Variants in CSMD1 observed in about 807,000 individuals in gnomAD.
CSMD1 encodes CUB and sushi domain-containing protein 1.
In CSMD1, 213 loss-of-function variants were observed where a neutral mutation model predicts 417.5. That is an observed-to-expected ratio of 0.51 (90% CI 0.46 to 0.57). The LOEUF (loss-of-function observed/expected upper bound fraction) is 0.57. Among genes scored for constraint, CSMD1 ranks in the 20% least tolerant of loss-of-function variants. CSMD1 has a pLI of 0.00. For missense variants in CSMD1, 6,923 were observed against 4,529.7 expected (o/e 1.53, Z -15.17); for synonymous variants, 2,862 against 1,736.8 (o/e 1.65, Z -16.11).
chr8:4,356,040 C>G (rs992944716), intron 3 of CSMD1, among the ~76,000 whole-genome samples: 1 of 152,112 alleles, frequency 6.6e-6, no homozygotes, highest in African/African-American at 2.4e-5. Context: ...TTGGGAGATC[C>G]TGGTGCACTC....
intron 12 of CSMD1, among the ~76,000 whole-genome samples, chr8:3,441,965 C>T (rs1310938528): frequency 3.3e-5 from 5 of 151,844 alleles, no homozygotes; most frequent in African/African-American, 1.2e-4. Context: ...GAAGACTTTC[C>T]AGTGGGACAA....
At chr8:3,274,157 C>G (rs1257151999) in intron 26 of CSMD1, among the ~76,000 whole-genome samples, 4 of 151,832 alleles carry the variant, frequency 2.6e-5, no homozygotes, top group Middle Eastern at 3.4e-3. Context: ...CAAAGAACAT[C>G]TTTATTTCTG....
chr8:4,472,701 G>C (rs888421145), intron 2 of CSMD1, among the ~76,000 whole-genome samples: 2 of 151,892 alleles, frequency 1.3e-5, no homozygotes, highest in South Asian at 2.1e-4. Context: ...ATTGAAATGA[G>C]CATATTAGGT....
chr8:3,755,912 T>A lies in CSMD1; in HGVS notation c.819-1870A>T, dbSNP rs532795698. On this transcript the variant is annotated intron_variant, in intron 5 of 69. Transcript: ENST00000635120. ...ACAGCTGACTCCAAGGCATATTTAA[T>A]CACCTTTTTTTATTTTTCTGGTGAG... Among the ~76,000 whole-genome samples the A allele has an allele frequency of 6.4e-4, 97 of 152,232 alleles. 1 individual carries two copies. The highest frequency in any genetic ancestry group is 2.2e-3 in the African/African-American group (91 of 41,526).
chr8:3,737,251 G>C (rs1019003518), intron 6 of CSMD1, among the ~76,000 whole-genome samples: 1 of 152,190 alleles, frequency 6.6e-6, no homozygotes. Context: ...AAGCCGATTG[G>C]GAGTAATGGC....
chr8:4,616,611 G>T (rs1328092506), intron 2 of CSMD1, among the ~76,000 whole-genome samples: 2 of 152,280 alleles, frequency 1.3e-5, no homozygotes, highest in South Asian at 2.1e-4. Context: ...TAAGATACAG[G>T]ATCTAGCAAC....
intron 2 of CSMD1, among the ~76,000 whole-genome samples, chr8:4,622,020 C>G (rs935337005): frequency 1.3e-5 from 2 of 151,792 alleles, no homozygotes; most frequent in South Asian, 4.2e-4. Context: ...TGATAGGAAA[C>G]TTTCTCAAGC....
At chr8:4,168,170 C>T (rs1267634195) in intron 3 of CSMD1, among the ~76,000 whole-genome samples, 4 of 150,652 alleles carry the variant, frequency 2.7e-5, no homozygotes, top group Admixed American at 2.0e-4. Flanking sequence ...CACACACACA[C>T]ACACACATAC....
At chr8:4,034,561 G>C (rs945661925) in intron 3 of CSMD1, among the ~76,000 whole-genome samples, 2 of 152,094 alleles carry the variant, frequency 1.3e-5, no homozygotes, top group African/African-American at 4.8e-5. Context: ...CATTTTATCA[G>C]GGCAGCCCTT....
chr8:4,668,424 T>TA (rs1240238150), intron 1 of CSMD1, among the ~76,000 whole-genome samples: 1 of 137,572 alleles, frequency 7.3e-6, no homozygotes, highest in Non-Finnish European at 1.5e-5. Flanking sequence ...CCATTATTAT[T>TA]ATTATTATTA....
At chr8:3,538,216 G>C (rs1208272900) in intron 10 of CSMD1, among the ~76,000 whole-genome samples, 1 of 152,222 alleles carries the variant, frequency 6.6e-6, no homozygotes, top group African/African-American at 2.4e-5. Context: ...AGCACCATCA[G>C]CTGGAACTGA....
intron 6 of CSMD1, among the ~76,000 whole-genome samples, chr8:3,726,916 T>C (rs1802531832): frequency 1.3e-5 from 2 of 152,240 alleles, no homozygotes; most frequent in African/African-American, 2.4e-5. Context: ...TTTAGCATCA[T>C]ACACAGATAA....
At chr8:4,164,931 A>G (rs1413895506) in intron 3 of CSMD1, among the ~76,000 whole-genome samples, 2 of 151,864 alleles carry the variant, frequency 1.3e-5, no homozygotes, top group African/African-American at 4.8e-5. Context: ...AGTAGTCCTG[A>G]AAAAGAGACT....
chr8:3,882,674 A>T (rs572631506), intron 5 of CSMD1, among the ~76,000 whole-genome samples: 2 of 152,344 alleles, frequency 1.3e-5, no homozygotes, highest in South Asian at 4.1e-4. Flanking sequence ...ATGTTCACAA[A>T]ACAAAATACT....
intron 2 of CSMD1, among the ~76,000 whole-genome samples, chr8:4,477,421 T>TG (rs1800862839): frequency 6.6e-6 from 1 of 152,110 alleles, no homozygotes; most frequent in Non-Finnish European, 1.5e-5. Flanking sequence ...TGAGCAAAAT[T>TG]GGGGGGCTCA....
At chr8:3,709,313 G>C (rs1801358650) in intron 6 of CSMD1, among the ~76,000 whole-genome samples, 1 of 152,146 alleles carries the variant, frequency 6.6e-6, no homozygotes, top group Non-Finnish European at 1.5e-5. Flanking sequence ...ACCTACAGCA[G>C]CTGCGAGCAG....
intron 3 of CSMD1, among the ~76,000 whole-genome samples, chr8:4,053,019 A>T (rs556158130): frequency 1.3e-5 from 2 of 152,266 alleles, no homozygotes; most frequent in East Asian, 1.9e-4. Context: ...TACTTTAGCA[A>T]AGGGTAACAA....
intron 5 of CSMD1, among the ~76,000 whole-genome samples, chr8:3,773,692 CTTAA>C (rs1798742532): frequency 6.6e-6 from 1 of 152,178 alleles, no homozygotes; most frequent in African/African-American, 2.4e-5. Context: ...GCAACAGCAT[CTTAA>C]TTGAGTTCCC....
chr8:3,507,238 T>G (rs1205713032), intron 10 of CSMD1, among the ~76,000 whole-genome samples: 1 of 152,192 alleles, frequency 6.6e-6, no homozygotes, highest in Non-Finnish European at 1.5e-5. Flanking sequence ...TACAATATTT[T>G]TTTTGTAGAA....
Sources: gnomAD v4.1 joint callset for allele counts (sites outside exome capture counted in the v4.1 genomes callset) on GRCh38, gnomAD v4.1.1 for gene constraint, MANE v1.5 for transcripts, NCBI Gene and HGNC (gene_info 2026-07-23, HGNC 2026-07-21) for gene names.